Variants in FAM135A observed in about 807,000 individuals in gnomAD.
FAM135A encodes the protein protein FAM135A.
FAM135A carries 79 observed loss-of-function variants against 146.8 expected under a neutral mutation model. The ratio of observed to expected loss-of-function variants is 0.54; its 90% CI spans 0.45 to 0.65. The LOEUF is 0.65. Among genes scored for constraint, FAM135A ranks in the 30% least tolerant of loss-of-function variants. The pLI is 0.00. For missense variants in FAM135A, 1,623 were observed against 1,758.2 expected, an observed-to-expected ratio of 0.92 and a Z score of 1.38; for synonymous variants, 562 against 603.6, an observed-to-expected ratio of 0.93 and a Z score of 1.01.
chr6:70,548,334 T>C (rs1250262674), intron 20 of FAM135A, among the ~76,000 whole-genome samples: 1 of 152,220 alleles, frequency 6.6e-6, no homozygotes, highest in East Asian at 1.9e-4. Flanking sequence ...GGTTACCAAG[T>C]TTAAAATGCA....
intron 2 of FAM135A, among the ~76,000 whole-genome samples, chr6:70,421,933 A>G (rs1327365562): frequency 6.6e-6 from 1 of 152,184 alleles, no homozygotes; most frequent in African/African-American, 2.4e-5. Context: ...GCAATGGAGA[A>G]TCTGCCGTGC....
chr6:70,439,201 G>T (rs1339693837), intron 4 of FAM135A, among the ~76,000 whole-genome samples: 1 of 152,094 alleles, frequency 6.6e-6, no homozygotes, highest in Non-Finnish European at 1.5e-5. Flanking sequence ...GTTTGTAGGT[G>T]GGAGACATGG....
rs546674936 is a variant in FAM135A, at chr6:70,450,716, G to GTTTTTTTTTTTTTTTTTTTTTTT, written c.78-1756_78-1734dup. Among the ~76,000 whole-genome samples, 9 of 28,348 alleles carry GTTTTTTTTTTTTTTTTTTTTTTT rather than the reference G, an allele frequency of 3.2e-4. 4 individuals carry two copies. Among genetic ancestry groups the GTTTTTTTTTTTTTTTTTTTTTTT allele is most frequent in the Non-Finnish European group, 5.3e-4 (7 of 13,088 alleles). The allele number at this position is 28,348 out of a possible 152,430, so 18.6% of individuals were successfully genotyped here. A position where few individuals can be genotyped will look rare whatever the true frequency, so the allele number is the denominator to read the frequency against. On this transcript the variant is annotated intron_variant, in intron 4 of 21. Coordinates refer to ENST00000418814, the MANE Select transcript of FAM135A (RefSeq NM_001162529.3). ...CTCAGGGAGTGTGACCCTTTTAGTT[G>GTTTTTTTTTTTTTTTTTTTTTTT]TTTTTTTTTTTTTTTTTTTTTTTTT...
At chr6:70,491,106 C>T in intron 11 of FAM135A, 23 bp downstream of exon 11, 2 of 1,570,564 alleles carry the variant, frequency 1.3e-6, no homozygotes, top group Admixed American at 1.8e-5. Flanking sequence ...TTTAAATTCA[C>T]ATCATCAAGT....
chr6:70,523,504 T>A (rs999151198), intron 13 of FAM135A, among the ~76,000 whole-genome samples: 9 of 152,184 alleles, frequency 5.9e-5, no homozygotes, highest in African/African-American at 2.2e-4. Context: ...TAGAAAATTA[T>A]ACATCTTGTT....
chr6:70,462,680 T>G (rs779071519), intron 5 of FAM135A, among the ~76,000 whole-genome samples: 1 of 152,192 alleles, frequency 6.6e-6, no homozygotes, highest in Non-Finnish European at 1.5e-5. Flanking sequence ...CTAAGGCCAC[T>G]TCTCTGTCTT....
Position 70,524,715 on chromosome 6 carries a change from A to G in FAM135A, c.1631A>G (p.His544Arg), listed in dbSNP as rs1368926397. ...LIKCFEGNPS[H>R]SQKEGLDPTI... ...AAATGCTTTGAAGGCAATCCTTCAC[A>G]TAGTCAGAAGGAAGGTCTGGATCCC... Residue 544 changes from histidine to arginine, a missense_variant, in exon 15 of 22, where the codon CAT becomes CGT. By Grantham distance (29) the His-to-Arg change is conservative. Transcript: ENST00000418814. The G allele has an allele frequency of 6.5e-7, 1 of 1,550,204 alleles. No homozygotes were observed. Among genetic ancestry groups the G allele is most frequent in the African/African-American group, 1.4e-5 (1 of 73,096 alleles).
intron 21 of FAM135A, among the ~76,000 whole-genome samples, chr6:70,558,227 T>C (rs1801278066): frequency 6.6e-6 from 1 of 152,218 alleles, no homozygotes; most frequent in African/African-American, 2.4e-5. Flanking sequence ...AGTCAGTCTT[T>C]CTCTTAAACA....
intron 16 of FAM135A, among the ~76,000 whole-genome samples, chr6:70,532,304 C>T (rs1326864029): frequency 6.6e-6 from 1 of 151,968 alleles, no homozygotes; most frequent in African/African-American, 2.4e-5. Context: ...TTTTATGATG[C>T]ATTTTCTATG....
At chr6:70,544,492 C>T (rs1036740242) in intron 20 of FAM135A, among the ~76,000 whole-genome samples, 2 of 151,972 alleles carry the variant, frequency 1.3e-5, no homozygotes, top group Non-Finnish European at 2.9e-5. Context: ...CTCGCCATTG[C>T]ACTCCAGCCT....
At chr6:70,538,155 A>G (rs1386804963) in intron 19 of FAM135A, 136 bp from the exon 20 acceptor site, 1 of 450,314 alleles carries the variant, frequency 2.2e-6, no homozygotes, top group Non-Finnish European at 3.8e-6. Context: ...TTCCAAATAT[A>G]TTTTTGATTA....
chr6:70,450,698 A>AGTGTGACCCTT (rs1467358327), intron 4 of FAM135A, among the ~76,000 whole-genome samples: 1 of 90,178 alleles, frequency 1.1e-5, no homozygotes, highest in Non-Finnish European at 2.2e-5. Context: ...GAACTCAGGG[A>AGTGTGACCCTT]GTGTGACCCT....
chr6:70,428,613 G>T (rs1377666562), intron 4 of FAM135A, among the ~76,000 whole-genome samples, 194 bp downstream of exon 4: 1 of 151,996 alleles, frequency 6.6e-6, no homozygotes, highest in African/African-American at 2.4e-5. Flanking sequence ...GATAATGCTG[G>T]ATATACTGAA....
At chr6:70,447,094 G>A (rs1317099167) in intron 4 of FAM135A, among the ~76,000 whole-genome samples, 1 of 152,202 alleles carries the variant, frequency 6.6e-6, no homozygotes, top group East Asian at 1.9e-4. Flanking sequence ...GGTTGAATTG[G>A]CCACGTGGAC....
chr6:70,490,905 T>G (rs1004056575), intron 10 of FAM135A, 129 bp from the exon 11 acceptor site: 2 of 502,202 alleles, frequency 4.0e-6, no homozygotes, highest in Admixed American at 4.2e-5. Flanking sequence ...TGAAAATATG[T>G]TACCTTGAAA....
chr6:70,454,729 G>A (rs879457077), intron 5 of FAM135A, among the ~76,000 whole-genome samples: 1 of 152,034 alleles, frequency 6.6e-6, no homozygotes, highest in Non-Finnish European at 1.5e-5. Context: ...GATGTGTAGT[G>A]TTACTTCTGA....
chr6:70,519,796 T>A (rs532466377), intron 12 of FAM135A, among the ~76,000 whole-genome samples: 2 of 152,244 alleles, frequency 1.3e-5, no homozygotes, highest in African/African-American at 4.8e-5. Flanking sequence ...ACTGAAAAAA[T>A]TCATGTGACT....
chr6:70,540,318 CT>C (rs1190614826), intron 20 of FAM135A, among the ~76,000 whole-genome samples: 6,959 of 81,424 alleles, frequency 0.085, 40 homozygotes, highest in Non-Finnish European at 0.1. Context: ...ATTCCTGCTA[CT>C]TTTTTTTTTT....
At chr6:70,539,765 G>A (rs1273705816) in intron 20 of FAM135A, among the ~76,000 whole-genome samples, 1 of 152,178 alleles carries the variant, frequency 6.6e-6, no homozygotes, top group Non-Finnish European at 1.5e-5. Context: ...GGAGCCTGAG[G>A]CGGGCGGATC....
Sources: gnomAD v4.1 joint callset for allele counts (sites outside exome capture counted in the v4.1 genomes callset) on GRCh38, gnomAD v4.1.1 for gene constraint, MANE v1.5 for transcripts, NCBI Gene and HGNC (gene_info 2026-07-23, HGNC 2026-07-21) for gene names.